AHRR: variants seen among roughly 807,000 people sequenced by gnomAD.
AHRR encodes the protein aryl hydrocarbon receptor repressor, also known as ahR repressor.
In AHRR, 28 loss-of-function variants were observed where a neutral mutation model predicts 44.0. The ratio of observed to expected loss-of-function variants is 0.64; its 90% confidence interval spans 0.47 to 0.87. The LOEUF is 0.87. Ranked by LOEUF, AHRR falls within the 40% of genes least tolerant of loss-of-function variation. AHRR has a pLI of 0.00. For synonymous variants in AHRR, 434 were observed against 407.0 expected (o/e 1.07, Z -0.80); for missense variants, 990 against 953.9 (o/e 1.04, Z -0.50).
chr5:432,385 T>C, intron 8 of AHRR, 78 bp from the exon 9 acceptor site: 2 of 1,407,960 alleles, frequency 1.4e-6, no homozygotes, highest in South Asian at 1.2e-5. Flanking sequence ...TATTAATTTC[T>C]ACCATCAAAA....
chr5:415,654 G>A (rs1241838477), intron 5 of AHRR, among the ~76,000 whole-genome samples: 2 of 135,208 alleles, frequency 1.5e-5, no homozygotes, highest in African/African-American at 2.6e-5. Context: ...GGGGCGGGAG[G>A]CCTAGGGGCC....
chr5:369,259 G>A (rs75687593), intron 3 of AHRR, among the ~76,000 whole-genome samples: 14,193 of 152,130 alleles, frequency 0.093, 910 homozygotes, highest in Non-Finnish European at 0.12. Context: ...ACAGTCATCC[G>A]CTTCTCACAC....
rs768963373 is a variant in AHRR at position 413,368 on chromosome 5, G to A, written c.376G>A (p.Val126Met). 11 of 1,612,470 alleles carry A rather than the reference G, an allele frequency of 6.8e-6. No individual in the cohort carries two copies. The highest frequency in any genetic ancestry group is 5.4e-5 in the African/African-American group (4 of 74,690). The change falls in exon 5 of 11, where the codon GTG becomes ATG. Residue 126 changes from valine (V) to methionine (M), a missense_variant. Coordinates refer to ENST00000684583, the MANE Select transcript of AHRR (RefSeq NM_001377236.1). ...LESLNGFALV[V>M]SAEGTIFYAS... ...GTCTCTTAATGGCTTTGCTCTGGTC[G>A]TGAGTGCAGAAGGGACGATATTTTA...
intron 8 of AHRR, among the ~76,000 whole-genome samples, chr5:428,933 C>T (rs893489225): frequency 6.6e-6 from 1 of 152,224 alleles, no homozygotes; most frequent in African/African-American, 2.4e-5. Flanking sequence ...CTGGCGGTCA[C>T]GCGAGCAGTG....
intron 5 of AHRR, among the ~76,000 whole-genome samples, chr5:414,755 G>A (rs554990714): frequency 6.6e-6 from 1 of 152,366 alleles, no homozygotes; most frequent in East Asian, 1.9e-4. Context: ...GTTTGAGAAA[G>A]ATCAAAACAA....
At chr5:365,734 A>T (rs1743334318) in intron 3 of AHRR, among the ~76,000 whole-genome samples, 1 of 152,170 alleles carries the variant, frequency 6.6e-6, no homozygotes, top group South Asian at 2.1e-4. Context: ...TGAACAAATT[A>T]ATGCCAATAA....
Position 405,471 on chromosome 5 carries a change from C to G in AHRR, c.352-7873C>G, listed in dbSNP as rs1471882574. Among the ~76,000 whole-genome samples, 1 of 152,200 alleles carries G rather than the reference C, an allele frequency of 6.6e-6. No individual in the cohort carries two copies. The highest frequency in any genetic ancestry group is 2.4e-5 in the African/African-American group (1 of 41,456). On this transcript the variant is annotated intron_variant, in intron 4 of 10. Coordinates refer to ENST00000684583, the MANE Select transcript of AHRR (RefSeq NM_001377236.1). The surrounding 1 kb of genome is among the most constrained non-coding windows in gnomAD (Gnocchi z 4.5). ...GTTGCCCGCTGTTTTGTTGTGACAG[C>G]TGGGCAGGGGCTCCCTGACATCTTC... is the stretch of plus-strand genomic sequence containing the variant.
At chr5:372,004 C>G (rs1743595974) in intron 3 of AHRR, among the ~76,000 whole-genome samples, 1 of 152,224 alleles carries the variant, frequency 6.6e-6, no homozygotes, top group Non-Finnish European at 1.5e-5. Flanking sequence ...TGCAGAGAGG[C>G]AGGCAGTCCT....
chr5:434,297 G>T lies in AHRR; in HGVS notation c.1557G>T (p.Pro519=), dbSNP rs377494615. 11 of 1,609,086 alleles carry T rather than the reference G, an allele frequency of 6.8e-6. No homozygotes were observed. In the African/African-American group the frequency reaches 1.5e-4, roughly 22 times the overall value. ...DMKLQGVPMP[P]GDLCGPTLLL... is the part of the protein sequence containing the mutation. Reference sequence around the variant, plus strand: ...AGCTGCAAGGTGTACCGATGCCTCCGGGGGACCTGTGTGGTCCGACGCTGC... The same window carrying T: ...AGCTGCAAGGTGTACCGATGCCTCCTGGGGACCTGTGTGGTCCGACGCTGC... The change falls in exon 11 of 11, where the codon CCG becomes CCT. Residue 519 remains proline, a synonymous_variant. Transcript: ENST00000684583.
intron 1 of AHRR, among the ~76,000 whole-genome samples, chr5:332,853 A>T (rs754843833): frequency 9.3e-5 from 14 of 150,118 alleles, no homozygotes; most frequent in Non-Finnish European, 1.6e-4. Flanking sequence ...CCAATGTTGG[A>T]TGCATATGTA....
chr5:417,939 G>A (rs1735900650), intron 5 of AHRR, among the ~76,000 whole-genome samples: 1 of 152,230 alleles, frequency 6.6e-6, no homozygotes, highest in Non-Finnish European at 1.5e-5. Flanking sequence ...GTGTCTTCAA[G>A]CTCAGCATGC....
chr5:339,394 T>A (rs1198974751), intron 1 of AHRR, among the ~76,000 whole-genome samples: 1 of 152,262 alleles, frequency 6.6e-6, no homozygotes, highest in Non-Finnish European at 1.5e-5. Context: ...GTGCTGGGAT[T>A]ATAGGTGTGA....
At chr5:327,461 G>T (rs938594731) in intron 1 of AHRR, among the ~76,000 whole-genome samples, 3 of 152,174 alleles carry the variant, frequency 2.0e-5, no homozygotes, top group Non-Finnish European at 4.4e-5. Context: ...ACCTACTTGT[G>T]AGTGAGAACA....
intron 3 of AHRR, among the ~76,000 whole-genome samples, chr5:363,132 C>T (rs1182756684): frequency 6.6e-6 from 1 of 152,242 alleles, no homozygotes; most frequent in African/African-American, 2.4e-5. Flanking sequence ...AGGTGGGAGG[C>T]TGGGTGTCAG....
intron 9 of AHRR, 89 bp downstream of exon 9, chr5:432,613 G>T: frequency 6.5e-7 from 1 of 1,535,400 alleles, no homozygotes; most frequent in South Asian, 1.1e-5. Context: ...TGGAGATGTT[G>T]GCGTATTCCA....
At chr5:340,921 C>A (rs1742326339) in intron 1 of AHRR, among the ~76,000 whole-genome samples, 1 of 149,996 alleles carries the variant, frequency 6.7e-6, no homozygotes, top group Non-Finnish European at 1.5e-5. Flanking sequence ...TGGTCTTGAA[C>A]TCCTGACCTC....
chr5:428,351 C>T (rs1353155421), intron 8 of AHRR, among the ~76,000 whole-genome samples: 1 of 152,262 alleles, frequency 6.6e-6, no homozygotes. Context: ...GCTGCCCGCC[C>T]TTCACACCGT....
intron 2 of AHRR, among the ~76,000 whole-genome samples, chr5:352,699 G>C (rs1211949966): frequency 0.021 from 2,649 of 127,174 alleles, 45 homozygotes; most frequent in Non-Finnish European, 0.029. Flanking sequence ...GATGGTCACT[G>C]TGAGGTTAAA....
intron 2 of AHRR, among the ~76,000 whole-genome samples, chr5:351,132 G>A (rs1050726405): frequency 6.6e-6 from 1 of 152,198 alleles, no homozygotes; most frequent in Non-Finnish European, 1.5e-5. Flanking sequence ...TGGAGAAACT[G>A]GAGGCCTGCT....
Sources: gnomAD v4.1 joint callset for allele counts (sites outside exome capture counted in the v4.1 genomes callset) on GRCh38, gnomAD v4.1.1 for gene constraint, Gnocchi (gnomAD v3.1) non-coding constraint, MANE v1.5 for transcripts, NCBI Gene and HGNC (gene_info 2026-07-23, HGNC 2026-07-21) for gene names.